TTL: variants seen among roughly 807,000 people sequenced by gnomAD.
TTL encodes tubulin tyrosine ligase.
In TTL, 10 loss-of-function variants were observed where a neutral mutation model predicts 41.1. The ratio of observed to expected loss-of-function variants is 0.24; its 90% CI spans 0.15 to 0.41. The LOEUF is 0.41. TTL is among the 10% of genes least tolerant of loss of function. The probability of loss-of-function intolerance (pLI) is 1.00; values close to 1 mark genes in which losing one functional copy is unlikely to be tolerated. For missense variants in TTL, 367 were observed against 460.4 expected (o/e 0.80, Z 1.86); for synonymous variants, 175 against 175.5 (o/e 1.00, Z 0.02).
chr2:112,531,566 A>AC lies in TTL; in HGVS notation c.*2776dup, dbSNP rs1481205018. 6 of 229,480 alleles carry AC rather than the reference A, an allele frequency of 2.6e-5. No individual in the cohort carries two copies. The allele number at this position is 229,480 out of a possible 1,614,324, so 14.2% of individuals were successfully genotyped here. On this transcript the variant is annotated 3_prime_UTR_variant, in exon 7 of 7. Transcript: ENST00000233336. ...ATGTTAGTGCCCACTCTTCCCCTGT[A>AC]CCCCCGGACAGTTAAATCAGAACCT...
rs568651754 is a variant in TTL at position 112,521,118 on chromosome 2, G to A, written c.1019+693G>A. ...CTTAGACATGGGGGGTCTGGAGCTGGGGTGCAAGAAAAGAGGGTTCCGCTG... is the reference window on the plus strand; with the variant it reads ...CTTAGACATGGGGGGTCTGGAGCTGAGGTGCAAGAAAAGAGGGTTCCGCTG... On this transcript the variant is annotated intron_variant, in intron 6 of 6. Coordinates refer to ENST00000233336, the MANE Select transcript of TTL (RefSeq NM_153712.5). The A allele has an allele frequency of 3.2e-6, 3 of 942,836 alleles. No individual in the cohort carries two copies. The South Asian group carries it at 1.5e-4, about 46-fold the overall frequency. 58.4% of individuals were successfully genotyped at this position (942,836 alleles called of 1,614,324 possible). A position where few individuals can be genotyped will look rare whatever the true frequency, so the allele number is the denominator to read the frequency against.
intron 2 of TTL, 129 bp downstream of exon 2, chr2:112,486,124 C>CT (rs1409784677): frequency 4.4e-6 from 4 of 902,422 alleles, no homozygotes; most frequent in Non-Finnish European, 6.7e-6. Context: ...GAAGCTTCCT[C>CT]TAAGCCGCTT....
In TTL at chr2:112,540,533, A is replaced by G. The variant is rs768128477; in HGVS notation, c.*11738A>G. 1.3e-5 allele frequency: 2 copies of G among 152,234 alleles called. No individual in the cohort carries two copies. Among genetic ancestry groups the G allele is most frequent in the Non-Finnish European group, 2.9e-5 (2 of 68,038 alleles). The allele number at this position is 152,234 out of a possible 1,614,324, so 9.4% of individuals were successfully genotyped here. ...AAATAAATCTGGAGAAAGAAGAACAAAGTTGGAGGATGTGCACTTCCTGAT... is the reference window on the plus strand; with the variant it reads ...AAATAAATCTGGAGAAAGAAGAACAGAGTTGGAGGATGTGCACTTCCTGAT... On this transcript the variant is annotated 3_prime_UTR_variant, in exon 7 of 7. Coordinates refer to ENST00000233336, the MANE Select transcript of TTL (RefSeq NM_153712.5).
At position 112,533,441 on chromosome 2, in the gene TTL, T is replaced by C. The variant is rs1174207145; in HGVS notation, c.*4646T>C. On this transcript the variant is annotated 3_prime_UTR_variant, in exon 7 of 7. Transcript: ENST00000233336. Reference sequence around the variant, plus strand: ...TAACCTGAAGTTCTCCCATAACCCATATTTTAGAAGTGTTTTCCCCAAAGC... The same window carrying C: ...TAACCTGAAGTTCTCCCATAACCCACATTTTAGAAGTGTTTTCCCCAAAGC... The C allele has an allele frequency of 6.6e-6, 1 of 152,240 alleles. No homozygotes were observed. Among genetic ancestry groups the C allele is most frequent in the African/African-American group, 2.4e-5 (1 of 41,450 alleles). 9.4% of individuals were successfully genotyped at this position (152,240 alleles called of 1,614,324 possible).
chr2:112,499,596 G>A (rs564937378), intron 3 of TTL, among the ~76,000 whole-genome samples: 10 of 152,302 alleles, frequency 6.6e-5, no homozygotes, highest in Admixed American at 1.3e-4. Context: ...CTCCAAAAGT[G>A]TAATCCATAA....
intron 1 of TTL, among the ~76,000 whole-genome samples, chr2:112,484,666 A>G (rs1681191792): frequency 6.6e-6 from 1 of 152,184 alleles, no homozygotes; most frequent in African/African-American, 2.4e-5. Context: ...AGTGTACTAC[A>G]TGAAAGCCAA....
At chr2:112,485,682 A>G (rs1681221001) in intron 1 of TTL, among the ~76,000 whole-genome samples, 1 of 152,214 alleles carries the variant, frequency 6.6e-6, no homozygotes, top group South Asian at 2.1e-4. Flanking sequence ...AGGTAGCAGC[A>G]GTTTTGGCAA....
At chr2:112,503,257 G>A in intron 5 of TTL, 76 bp downstream of exon 5, 3 of 1,317,210 alleles carry the variant, frequency 2.3e-6, no homozygotes, top group Non-Finnish European at 3.1e-6. Context: ...TCAAAGAATT[G>A]TTTCATATAA....
intron 6 of TTL, among the ~76,000 whole-genome samples, chr2:112,526,035 T>G (rs1468642468): frequency 1.3e-5 from 2 of 152,228 alleles, no homozygotes; most frequent in African/African-American, 2.4e-5. Context: ...CTGCATCTAT[T>G]GAGATAATCA....
chr2:112,499,398 G>A (rs201268893), intron 3 of TTL, among the ~76,000 whole-genome samples: 1 of 152,174 alleles, frequency 6.6e-6, no homozygotes, highest in East Asian at 1.9e-4. Context: ...AGGTGCAAAA[G>A]CCATTCAATA....
chr2:112,507,887 T>C (rs1195610258), intron 5 of TTL, among the ~76,000 whole-genome samples: 39 of 69,402 alleles, frequency 5.6e-4, no homozygotes, highest in Non-Finnish European at 5.1e-4. Context: ...TGCTCATTAG[T>C]TGATGCAGTT....
At chr2:112,520,874 C>T (rs1269635727) in intron 6 of TTL, among the ~76,000 whole-genome samples, 1 of 152,138 alleles carries the variant, frequency 6.6e-6, no homozygotes, top group Non-Finnish European at 1.5e-5. Flanking sequence ...GCCATGACTG[C>T]ACCACTGCAT....
intron 3 of TTL, among the ~76,000 whole-genome samples, chr2:112,500,471 T>C (rs1047017947): frequency 6.6e-6 from 1 of 152,124 alleles, no homozygotes; most frequent in Non-Finnish European, 1.5e-5. Context: ...CTTGGGAGGC[T>C]GAGGCAGGAG....
chr2:112,482,234 GCGGGGGCCGGGCCGCGGCGGGCGCC>G lies in TTL; in HGVS notation c.-106_-82del. 2.4e-6 allele frequency: 2 copies of G among 824,776 alleles called. No individual in the cohort carries two copies. Among genetic ancestry groups the G allele is most frequent in the Middle Eastern group, 6.0e-4 (1 of 1,656 alleles). The allele number at this position is 824,776 out of a possible 1,614,324, so 51.1% of individuals were successfully genotyped here. A position where few individuals can be genotyped will look rare whatever the true frequency, so the allele number is the denominator to read the frequency against. ...AGAGGCGCGGTAGCCGGCGCGGGCG[GCGGGGGCCGGGCCGCGGCGGGCGCC>G]CGGGCGGGGTCCGCGCTGAGCCGCC... On this transcript the variant is annotated 5_prime_UTR_variant, in exon 1 of 7. Transcript: ENST00000233336. This position sits in a 1 kb window ranked among gnomAD's most constrained non-coding sequence, Gnocchi z 5.3.
At chr2:112,523,943 C>G (rs2104476665) in intron 6 of TTL, among the ~76,000 whole-genome samples, 1 of 152,172 alleles carries the variant, frequency 6.6e-6, no homozygotes, top group East Asian at 1.9e-4. Context: ...ATCCTTCCCC[C>G]ATCCCCCAAC....
chr2:112,487,870 T>G (rs552491057), intron 2 of TTL, among the ~76,000 whole-genome samples: 1 of 152,330 alleles, frequency 6.6e-6, no homozygotes, highest in African/African-American at 2.4e-5. Flanking sequence ...CTCCCATGAT[T>G]TTGTATGGCT....
rs1682542072 is a variant in TTL at position 112,533,029 on chromosome 2, TAGAA to T, written c.*4238_*4241del. 1 of 152,254 alleles carries T rather than the reference TAGAA, an allele frequency of 6.6e-6. No individual in the cohort carries two copies. The highest frequency in any genetic ancestry group is 2.4e-5 in the African/African-American group (1 of 41,460). 9.4% of individuals were successfully genotyped at this position (152,254 alleles called of 1,614,324 possible). A position where few individuals can be genotyped will look rare whatever the true frequency, so the allele number is the denominator to read the frequency against. On this transcript the variant is annotated 3_prime_UTR_variant, in exon 7 of 7. Transcript: ENST00000233336. ...CACCTGAGATGCTTAGTCTTGTGGA[TAGAA>T]AGAGTTTCATTAATGCAAATTGTTA...
chr2:112,512,206 C>A (rs1489209865), intron 5 of TTL, among the ~76,000 whole-genome samples: 1 of 151,980 alleles, frequency 6.6e-6, no homozygotes, highest in African/African-American at 2.4e-5. Context: ...ATTCTCCTGC[C>A]TCAGCCTCCT....
rs1354013019 is a variant in TTL at position 112,534,314 on chromosome 2, ACT to A, written c.*5522_*5523del. On this transcript the variant is annotated 3_prime_UTR_variant, in exon 7 of 7. Transcript: ENST00000233336. ...CATCCAGCCTGGGTGACAGTGCGAGACTCTGTCTCAAAAAAAAAAAAAAAAAA... is the reference window on the plus strand; with the variant it reads ...CATCCAGCCTGGGTGACAGTGCGAGACTGTCTCAAAAAAAAAAAAAAAAAA... The A allele has an allele frequency of 2.2e-5, 2 of 89,948 alleles. No homozygotes were observed. The highest frequency in any genetic ancestry group is 1.4e-4 in the Admixed American group (1 of 7,100). The allele number at this position is 89,948 out of a possible 1,614,324, so 5.6% of individuals were successfully genotyped here.
Sources: gnomAD v4.1 joint callset for allele counts (sites outside exome capture counted in the v4.1 genomes callset) on GRCh38, gnomAD v4.1.1 for gene constraint, Gnocchi (gnomAD v3.1) non-coding constraint, MANE v1.5 for transcripts, NCBI Gene and HGNC (gene_info 2026-07-23, HGNC 2026-07-21) for gene names.